The following CPS1 variants were observed in gnomAD, a reference collection of about 807,000 sequenced individuals.
CPS1 encodes carbamoyl-phosphate synthase [ammonia], mitochondrial.
CPS1 carries 109 observed loss-of-function variants against 174.6 expected under a neutral mutation model. That is an observed-to-expected ratio of 0.62 (90% CI 0.53 to 0.73). CPS1 has a LOEUF of 0.73. Ranked by LOEUF, CPS1 falls within the 30% of genes least tolerant of loss-of-function variation. The pLI, the probability that CPS1 is intolerant of heterozygous loss-of-function variation, is 0.00. For missense variants in CPS1, 1,689 were observed against 1,821.9 expected, an observed-to-expected ratio of 0.93 and a Z score of 1.33; for synonymous variants, 637 against 632.0, an observed-to-expected ratio of 1.01 and a Z score of -0.12.
intron 13 of CPS1, among the ~76,000 whole-genome samples, chr2:210,597,774 T>C (rs527763368): frequency 5.3e-5 from 8 of 151,416 alleles, no homozygotes; most frequent in Non-Finnish European, 1.0e-4. Flanking sequence ...AAGAATTATT[T>C]TGAAGGTCTC....
intron 1 of CPS1, among the ~76,000 whole-genome samples, chr2:210,510,584 A>G (rs1695436746): frequency 6.6e-6 from 1 of 152,242 alleles, no homozygotes; most frequent in South Asian, 2.1e-4. Flanking sequence ...AACTATCATC[A>G]GAGTGAATAG....
chr2:210,663,202 C>T lies in CPS1; in HGVS notation c.4002+5C>T. ...GAGATGGCTTCCACTGGAGAGGTAACTAGTTAATAATCCATGGAAGCTTTC... is the reference window on the plus strand; with the variant it reads ...GAGATGGCTTCCACTGGAGAGGTAATTAGTTAATAATCCATGGAAGCTTTC... On this transcript the variant is annotated splice_donor_5th_base_variant and intron_variant, in intron 33 of 37. Transcript: ENST00000233072. The T allele has an allele frequency of 1.9e-6, 3 of 1,610,648 alleles. No individual in the cohort carries two copies. Among genetic ancestry groups the T allele is most frequent in the Non-Finnish European group, 1.7e-6 (2 of 1,177,242 alleles).
chr2:210,574,144 A>G (rs1234706125), intron 2 of CPS1, among the ~76,000 whole-genome samples: 5 of 152,058 alleles, frequency 3.3e-5, no homozygotes, highest in Admixed American at 2.6e-4. Context: ...TAATATTGGG[A>G]ACATCACTTA....
At chr2:210,577,039 G>T in intron 3 of CPS1, 1 of 282,068 alleles carries the variant, frequency 3.5e-6, no homozygotes, top group South Asian at 3.9e-5. Flanking sequence ...ATTTAACTTA[G>T]TTTTCACTAT....
intron 4 of CPS1, among the ~76,000 whole-genome samples, chr2:210,578,683 T>C (rs1697794671): frequency 6.6e-6 from 1 of 152,144 alleles, no homozygotes; most frequent in African/African-American, 2.4e-5. Context: ...CTTTCTAAAT[T>C]TTAAAAGGGA....
intron 7 of CPS1, 36 bp from the exon 8 acceptor site, chr2:210,590,070 G>A (rs1291004947): frequency 6.2e-7 from 1 of 1,611,848 alleles, no homozygotes; most frequent in Non-Finnish European, 8.5e-7. Flanking sequence ...AAAGAAACAT[G>A]TTATTAAATT....
At chr2:210,570,191 A>G (rs1697429586) in intron 1 of CPS1, among the ~76,000 whole-genome samples, 2 of 151,992 alleles carry the variant, frequency 1.3e-5, no homozygotes, top group South Asian at 4.1e-4. Flanking sequence ...GCTTTGTAAC[A>G]ATATAATGTG....
chr2:210,576,180 T>C (rs1007508973), intron 2 of CPS1, among the ~76,000 whole-genome samples, 166 bp from the exon 3 acceptor site: 2 of 152,156 alleles, frequency 1.3e-5, no homozygotes, highest in Non-Finnish European at 2.9e-5. Flanking sequence ...GTGGTATAAA[T>C]TTTTATATTC....
chr2:210,622,650 C>T (rs1411659605), intron 21 of CPS1, among the ~76,000 whole-genome samples: 1 of 151,506 alleles, frequency 6.6e-6, no homozygotes, highest in South Asian at 2.1e-4. Flanking sequence ...GTAAGGAATT[C>T]AACTATAATA....
chr2:210,493,088 T>G (rs950880969), intron 1 of CPS1, among the ~76,000 whole-genome samples: 13 of 152,210 alleles, frequency 8.5e-5, no homozygotes, highest in Non-Finnish European at 1.9e-4. Flanking sequence ...AACAGAAAAC[T>G]AAATTTCAGT....
chr2:210,644,179 G>A (rs1394087938), intron 25 of CPS1, among the ~76,000 whole-genome samples: 2 of 152,006 alleles, frequency 1.3e-5, no homozygotes, highest in Non-Finnish European at 2.9e-5. Flanking sequence ...ACTGAAGTCA[G>A]TATTATAGAA....
chr2:210,515,050 A>C (rs1695643879), intron 1 of CPS1, among the ~76,000 whole-genome samples: 1 of 151,748 alleles, frequency 6.6e-6, no homozygotes, highest in African/African-American at 2.4e-5. Context: ...TGAAGGCTAC[A>C]TCATCATGGT....
intron 1 of CPS1, among the ~76,000 whole-genome samples, chr2:210,497,370 A>G (rs1249611623): frequency 6.6e-6 from 1 of 152,110 alleles, no homozygotes; most frequent in South Asian, 2.1e-4. Context: ...GGAGGTTTAT[A>G]CTTTATTTTT....
upstream of CPS1, chr2:210,555,757 C>T: frequency 2.3e-6 from 1 of 429,588 alleles, no homozygotes; most frequent in Middle Eastern, 3.4e-4. Context: ...TAAGCAAGAG[C>T]ATCTGCCAGC....
At chr2:210,547,653 A>G (rs1696599263) in intron 1 of CPS1, among the ~76,000 whole-genome samples, 3 of 152,030 alleles carry the variant, frequency 2.0e-5, no homozygotes, top group South Asian at 4.1e-4. Flanking sequence ...GATATTAATA[A>G]TTTTCATTAG....
chr2:210,496,405 A>G (rs1385410930), intron 1 of CPS1, among the ~76,000 whole-genome samples: 1 of 152,148 alleles, frequency 6.6e-6, no homozygotes, highest in Non-Finnish European at 1.5e-5. Flanking sequence ...TTGAATAAAT[A>G]ATTTCCTTTT....
At chr2:210,510,719 A>C (rs1431150966) in intron 1 of CPS1, among the ~76,000 whole-genome samples, 1 of 152,236 alleles carries the variant, frequency 6.6e-6, no homozygotes, top group Non-Finnish European at 1.5e-5. Context: ...AAGTGGGCGA[A>C]GGATATGAAC....
intron 1 of CPS1, among the ~76,000 whole-genome samples, chr2:210,536,782 A>G (rs1277690086): frequency 1.3e-5 from 2 of 152,208 alleles, no homozygotes; most frequent in African/African-American, 2.4e-5. Flanking sequence ...GCCTGATCTT[A>G]TATCCATTAA....
chr2:210,635,476 C>A (rs1700015637), intron 21 of CPS1, among the ~76,000 whole-genome samples: 1 of 152,234 alleles, frequency 6.6e-6, no homozygotes, highest in Admixed American at 6.5e-5. Flanking sequence ...CTGTAATCTG[C>A]ACTGTCTGAC....
Sources: allele counts gnomAD v4.1 joint callset (sites outside exome capture counted in the v4.1 genomes callset), GRCh38; gene constraint gnomAD v4.1.1; transcripts MANE v1.5; gene names NCBI Gene and HGNC (gene_info 2026-07-23, HGNC 2026-07-21).